Variants in ST3GAL4 observed in about 807,000 individuals in gnomAD.
The protein encoded by ST3GAL4 is ST3 beta-galactoside alpha-2,3-sialyltransferase 4.
ST3GAL4 carries 24 observed loss-of-function variants against 42.6 expected under a neutral mutation model. The ratio of observed to expected loss-of-function variants is 0.56; its 90% CI spans 0.41 to 0.79. ST3GAL4 has a LOEUF of 0.79. ST3GAL4 is among the 30% of genes least tolerant of loss of function. The pLI is 0.00. For missense variants in ST3GAL4, 311 were observed against 430.8 expected, an observed-to-expected ratio of 0.72 and a Z score of 2.46; for synonymous variants, 135 against 163.2, an observed-to-expected ratio of 0.83 and a Z score of 1.32.
rs1411918655 is a variant in ST3GAL4 at position 126,406,254 on chromosome 11, C to T, written c.16+83C>T. 2.6e-6 allele frequency: 4 copies of T among 1,549,952 alleles called. No individual in the cohort carries two copies. The African/African-American group carries it at 4.1e-5, about 16-fold the overall frequency. On this transcript the variant is annotated intron_variant, in intron 2 of 10. Transcript: ENST00000444328. The surrounding 1 kb of genome is among the most constrained non-coding windows in gnomAD (Gnocchi z 5.4). ...AGCAGGATCCTGGGACCTCTGGGGG[C>T]TGTGGAGGGACAGACAGGGAGCCAG...
At chr11:126,402,704 C>T (rs1463588563) in intron 1 of ST3GAL4, among the ~76,000 whole-genome samples, 1 of 152,174 alleles carries the variant, frequency 6.6e-6, no homozygotes, top group Non-Finnish European at 1.5e-5. Flanking sequence ...TGAGTACTCA[C>T]TGTGTGTTAG....
chr11:126,357,944 G>C lies in ST3GAL4; in HGVS notation c.-61+2102G>C, dbSNP rs114170766. Reference sequence around the variant, plus strand: ...ATCTTGGACTAATACAAATGTTTCCGTGCCTGCCAAGTTCCAGACCCTGGG... The same window carrying C: ...ATCTTGGACTAATACAAATGTTTCCCTGCCTGCCAAGTTCCAGACCCTGGG... On this transcript the variant is annotated intron_variant, in intron 1 of 10. Coordinates refer to ENST00000444328, the MANE Select transcript of ST3GAL4 (RefSeq NM_001254757.2). Among the ~76,000 whole-genome samples the C allele has an allele frequency of 3.8e-3, 576 of 152,358 alleles. 2 individuals are homozygous for C. The highest frequency in any genetic ancestry group is 0.013 in the African/African-American group (552 of 41,584).
chr11:126,382,216 A>AGGATCAC (rs1953031365), intron 1 of ST3GAL4, among the ~76,000 whole-genome samples: 1 of 148,254 alleles, frequency 6.7e-6, no homozygotes, highest in African/African-American at 2.5e-5. Flanking sequence ...TGGGGGTGGG[A>AGGATCAC]GGATCACGTC....
intron 1 of ST3GAL4, chr11:126,403,602 T>C: frequency 4.1e-6 from 1 of 246,260 alleles, no homozygotes; most frequent in Non-Finnish European, 6.5e-6. Context: ...GCTCCTCAGG[T>C]CATTGCATTG....
Position 126,355,841 on chromosome 11 carries a change from G to A in ST3GAL4, c.-62G>A, listed in dbSNP as rs1313856729. Reference sequence around the variant, plus strand: ...CTGCCCCGCCCCGCTCCACCCGTGAGGGTGAGTACGCGGCGGCGGTGCGCG... The same window carrying A: ...CTGCCCCGCCCCGCTCCACCCGTGAAGGTGAGTACGCGGCGGCGGTGCGCG... On this transcript the variant is annotated splice_region_variant and 5_prime_UTR_variant, in exon 1 of 11. Transcript: ENST00000444328. The surrounding 1 kb of genome is among the most constrained non-coding windows in gnomAD (Gnocchi z 7.1). The A allele has an allele frequency of 6.7e-6, 1 of 150,056 alleles. No individual in the cohort carries two copies. The highest frequency in any genetic ancestry group is 1.9e-4 in the East Asian group (1 of 5,146). 9.3% of individuals were successfully genotyped at this position (150,056 alleles called of 1,614,324 possible).
chr11:126,369,694 C>CT (rs553513469), intron 1 of ST3GAL4, among the ~76,000 whole-genome samples: 4 of 152,020 alleles, frequency 2.6e-5, no homozygotes, highest in Non-Finnish European at 4.4e-5. Context: ...TTTCTTCTTC[C>CT]TTTTTTTTAT....
chr11:126,397,924 C>T lies in ST3GAL4; in HGVS notation c.-60-8172C>T, dbSNP rs1463620307. ...CATGGCCTACTCTTATGAGACCCCA[C>T]CTCACAACATTGTTAACATTTAGGA... On this transcript the variant is annotated intron_variant, in intron 1 of 10. Coordinates refer to ENST00000444328, the MANE Select transcript of ST3GAL4 (RefSeq NM_001254757.2). This position sits in a 1 kb window ranked among gnomAD's most constrained non-coding sequence, Gnocchi z 5.0. 1.3e-5 allele frequency among the ~76,000 whole-genome samples: 2 copies of T among 148,670 alleles called. No individual in the cohort carries two copies. The highest frequency in any genetic ancestry group is 4.9e-4 in the East Asian group (2 of 4,106).
At chr11:126,372,204 G>T (rs933085084) in intron 1 of ST3GAL4, among the ~76,000 whole-genome samples, 1 of 152,152 alleles carries the variant, frequency 6.6e-6, no homozygotes, top group African/African-American at 2.4e-5. Context: ...CCTCCTGCTA[G>T]TCAATGGCTC....
At chr11:126,388,657 C>CTTTTTT (rs1362486963) in intron 1 of ST3GAL4, among the ~76,000 whole-genome samples, 1 of 38,092 alleles carries the variant, frequency 2.6e-5, no homozygotes, top group African/African-American at 1.4e-4. Context: ...AATTAGGTTT[C>CTTTTTT]TTGTTTTTTT....
In ST3GAL4 at chr11:126,392,290, C is replaced by T. The variant is rs765602645; in HGVS notation, c.-60-13806C>T. 4.4e-5 allele frequency: 43 copies of T among 984,380 alleles called. No individual in the cohort carries two copies. Among genetic ancestry groups the T allele is most frequent in the Non-Finnish European group, 5.1e-5 (42 of 828,696 alleles). 61.0% of individuals were successfully genotyped at this position (984,380 alleles called of 1,614,324 possible). A position where few individuals can be genotyped will look rare whatever the true frequency, so the allele number is the denominator to read the frequency against. On this transcript the variant is annotated intron_variant, in intron 1 of 10. Coordinates refer to ENST00000444328, the MANE Select transcript of ST3GAL4 (RefSeq NM_001254757.2). This position sits in a 1 kb window ranked among gnomAD's most constrained non-coding sequence, Gnocchi z 5.8. ...AGGGTGTCCTCAAGCCTGCAGCTCT[C>T]CTGGGACTGCACAGAGTTTACTGTC... is the stretch of plus-strand genomic sequence containing the variant.
At position 126,408,430 on chromosome 11, in the gene ST3GAL4, C is replaced by T. The variant is rs144136888; in HGVS notation, c.561C>T (p.Leu187=). ...PKVENNPDTL[L]VLVAFKAMDF... The stretch of plus-strand genomic sequence containing the variant: ...TAGAAAACAACCCAGACACACTCCT[C>T]GTCCTGGTAGCTTTCAAGGCAATGG... Residue 187 remains leucine (L), a synonymous_variant, in exon 8 of 11, where the codon CTC becomes CTT. Transcript: ENST00000444328. The T allele has an allele frequency of 3.8e-5, 61 of 1,614,234 alleles. No individual in the cohort carries two copies. The highest frequency in any genetic ancestry group is 6.7e-5 in the Admixed American group (4 of 60,026).
chr11:126,396,752 A>G lies in ST3GAL4; in HGVS notation c.-60-9344A>G, dbSNP rs1953784782. Among the ~76,000 whole-genome samples the G allele has an allele frequency of 6.7e-6, 1 of 149,612 alleles. No homozygotes were observed. Among genetic ancestry groups the G allele is most frequent in the Non-Finnish European group, 1.5e-5 (1 of 67,434 alleles). ...TGGAGGTTCTGGCTGAAGGAGCCAG[A>G]ATTCCAGTGCCAGCTCCACTCCTCA... On this transcript the variant is annotated intron_variant, in intron 1 of 10. Transcript: ENST00000444328. This position sits in a 1 kb window ranked among gnomAD's most constrained non-coding sequence, Gnocchi z 5.8.
chr11:126,404,353 T>C (rs1954137260), intron 1 of ST3GAL4, among the ~76,000 whole-genome samples: 1 of 152,180 alleles, frequency 6.6e-6, no homozygotes, highest in South Asian at 2.1e-4. Context: ...GTAACCAACC[T>C]GATATGCATT....
At chr11:126,365,406 C>T (rs1591417141) in intron 1 of ST3GAL4, among the ~76,000 whole-genome samples, 2 of 152,170 alleles carry the variant, frequency 1.3e-5, no homozygotes, top group East Asian at 1.9e-4. Context: ...TGGGGCCTCA[C>T]AGATGATGGA....
chr11:126,366,465 G>A lies in ST3GAL4; in HGVS notation c.-61+10623G>A, dbSNP rs1440192420. Among the ~76,000 whole-genome samples the A allele has an allele frequency of 6.6e-6, 1 of 152,068 alleles. No individual in the cohort carries two copies. Among genetic ancestry groups the A allele is most frequent in the Non-Finnish European group, 1.5e-5 (1 of 67,986 alleles). ...GAGTAGGGACCAATGTGTTTGTGCT[G>A]GAGAAGCCTGTGTAGGTTACTGACA... On this transcript the variant is annotated intron_variant, in intron 1 of 10. Coordinates refer to ENST00000444328, the MANE Select transcript of ST3GAL4 (RefSeq NM_001254757.2). The surrounding 1 kb of genome is among the most constrained non-coding windows in gnomAD (Gnocchi z 4.2).
rs980749613 is a variant in ST3GAL4 at position 126,393,693 on chromosome 11, A to G, written c.-60-12403A>G. Among the ~76,000 whole-genome samples the G allele has an allele frequency of 1.3e-4, 20 of 152,304 alleles. No homozygotes were observed. The highest frequency in any genetic ancestry group is 4.6e-4 in the African/African-American group (19 of 41,580). On this transcript the variant is annotated intron_variant, in intron 1 of 10. Transcript: ENST00000444328. The surrounding 1 kb of genome is among the most constrained non-coding windows in gnomAD (Gnocchi z 5.9). ...GGGTGGACACCACCGTCTTCAGGTC[A>G]TAGGAAGTGTGAGCTAGCAGGAATC...
At chr11:126,395,840 G>A (rs1288447549) in intron 1 of ST3GAL4, among the ~76,000 whole-genome samples, 1 of 152,158 alleles carries the variant, frequency 6.6e-6, no homozygotes, top group Non-Finnish European at 1.5e-5. Flanking sequence ...TCTCGTGCAT[G>A]TCTTTATCAG....
At position 126,408,095 on chromosome 11, in the gene ST3GAL4, G is replaced by T. The variant is rs746417367; in HGVS notation, c.342-4G>T. 38 of 1,612,932 alleles carry T rather than the reference G, an allele frequency of 2.4e-5. No individual in the cohort carries two copies. The highest frequency in any genetic ancestry group is 6.7e-5 in the Admixed American group (4 of 59,972). ...GACATAGACCACTCCTCTTTCTATG[G>T]CAGCCTCAGGTGCCGCCGCTGTGTG... On this transcript the variant is annotated splice_region_variant and splice_polypyrimidine_tract_variant and intron_variant, in intron 6 of 10. Coordinates refer to ENST00000444328, the MANE Select transcript of ST3GAL4 (RefSeq NM_001254757.2).
Position 126,392,282 on chromosome 11 carries a change from G to A in ST3GAL4, c.-60-13814G>A, listed in dbSNP as rs1953549014. ...TGGGTATTAGGGTGTCCTCAAGCCT[G>A]CAGCTCTCCTGGGACTGCACAGAGT... On this transcript the variant is annotated intron_variant, in intron 1 of 10. Transcript: ENST00000444328. This position sits in a 1 kb window ranked among gnomAD's most constrained non-coding sequence, Gnocchi z 5.8. 2 of 983,434 alleles carry A rather than the reference G, an allele frequency of 2.0e-6. No homozygotes were observed. The highest frequency in any genetic ancestry group is 5.2e-4 in the Middle Eastern group (1 of 1,936). The allele number at this position is 983,434 out of a possible 1,614,324, so 60.9% of individuals were successfully genotyped here. A position where few individuals can be genotyped will look rare whatever the true frequency, so the allele number is the denominator to read the frequency against.
Sources: allele counts gnomAD v4.1 joint callset (sites outside exome capture counted in the v4.1 genomes callset), GRCh38; gene constraint gnomAD v4.1.1; non-coding constraint Gnocchi (gnomAD v3.1); transcripts MANE v1.5; gene names NCBI Gene and HGNC (gene_info 2026-07-23, HGNC 2026-07-21).